FRMD5: variants seen among roughly 807,000 people sequenced by gnomAD.
The protein encoded by FRMD5 is FERM domain containing 5, also known as FERM domain-containing protein 5.
Under a neutral mutation model 69.0 loss-of-function variants are expected in FRMD5, and 20 were observed. The ratio of observed to expected loss-of-function variants is 0.29; its 90% confidence interval spans 0.20 to 0.42. The LOEUF (loss-of-function observed/expected upper bound fraction) is 0.42, where lower values mean the gene tolerates loss of function less well. FRMD5 is among the 10% of genes least tolerant of loss of function. FRMD5 has a pLI of 1.00. For synonymous variants in FRMD5, 271 were observed against 260.1 expected (o/e 1.04, Z -0.40); for missense variants, 595 against 708.6 (o/e 0.84, Z 1.82).
At chr15:43,989,185 C>A (rs375511167) in intron 1 of FRMD5, 3 of 859,246 alleles carry the variant, frequency 3.5e-6, no homozygotes, top group Non-Finnish European at 6.1e-6. Context: ...GGAGTACTTG[C>A]GCTTGGGAGG....
rs764839910 is a variant in FRMD5 at position 43,871,367 on chromosome 15, C to G, written c.*2518G>C. On this transcript the variant is annotated 3_prime_UTR_variant, in exon 14 of 14. Coordinates refer to ENST00000417257, the MANE Select transcript of FRMD5 (RefSeq NM_032892.5). ...AAGGAACATACTAGGATATGGAATA[C>G]TGCATCTGTCTCTAATGTGAATATG... 2.1e-4 allele frequency: 32 copies of G among 152,216 alleles called. No individual in the cohort carries two copies. The highest frequency in any genetic ancestry group is 3.2e-4 in the Non-Finnish European group (22 of 68,042). 9.4% of individuals were successfully genotyped at this position (152,216 alleles called of 1,614,324 possible). A position where few individuals can be genotyped will look rare whatever the true frequency, so the allele number is the denominator to read the frequency against.
chr15:44,175,548 A>G (rs576752269), intron 1 of FRMD5, among the ~76,000 whole-genome samples: 1 of 152,140 alleles, frequency 6.6e-6, no homozygotes, highest in Non-Finnish European at 1.5e-5. Flanking sequence ...TTTGGAAAAC[A>G]GTTTGGCAGT....
chr15:43,950,209 G>A lies in FRMD5; in HGVS notation c.103-25900C>T, dbSNP rs140117208. Among the ~76,000 whole-genome samples, 98 of 152,282 alleles carry A rather than the reference G, an allele frequency of 6.4e-4. 1 individual carries two copies. In the Middle Eastern group the frequency reaches 0.01, roughly 16 times the overall value. ...ACCCATTCAGATCTCTGCCCTAGAG[G>A]CCATGTGTATTAGATGTGCTTCTGT... On this transcript the variant is annotated intron_variant, in intron 1 of 13. Coordinates refer to ENST00000417257, the MANE Select transcript of FRMD5 (RefSeq NM_032892.5).
intron 1 of FRMD5, among the ~76,000 whole-genome samples, chr15:44,123,262 T>G (rs1456886486): frequency 2.5e-4 from 38 of 150,026 alleles, no homozygotes; most frequent in Admixed American, 2.5e-3. Flanking sequence ...GGAGAATCAC[T>G]TGAACCCGGG....
chr15:44,075,277 A>G (rs574637672), intron 1 of FRMD5, among the ~76,000 whole-genome samples: 1 of 152,310 alleles, frequency 6.6e-6, no homozygotes, highest in African/African-American at 2.4e-5. Context: ...ATGGGAAATG[A>G]GGTCTTAGCC....
chr15:43,874,338 T>C lies in FRMD5; in HGVS notation c.1260A>G (p.Ala420=). The C allele has an allele frequency of 1.9e-6, 3 of 1,614,212 alleles. No homozygotes were observed. Among genetic ancestry groups the C allele is most frequent in the Non-Finnish European group, 2.5e-6 (3 of 1,180,036 alleles). The stretch of plus-strand genomic sequence containing the variant: ...TGTCTGCAGGGCTGTAGGCCTCGTC[T>C]GCAATCACAGCTACTCGCTCATTGC... The part of the protein sequence containing the change: ...TDSNERVAVI[A]DEAYSPADSV... The change falls in exon 14 of 14, where the codon GCA becomes GCG. Residue 420 remains alanine (A), a synonymous_variant. Transcript: ENST00000417257.
intron 1 of FRMD5, among the ~76,000 whole-genome samples, chr15:44,027,299 C>CA (rs1159092017): frequency 6.6e-6 from 1 of 151,696 alleles, no homozygotes; most frequent in East Asian, 1.9e-4. Context: ...TTCTCCAGAG[C>CA]AAAAAACAAA....
chr15:44,077,710 T>C (rs1325103945), intron 1 of FRMD5, among the ~76,000 whole-genome samples: 1 of 152,066 alleles, frequency 6.6e-6, no homozygotes, highest in African/African-American at 2.4e-5. Context: ...ATGTATGAAG[T>C]AACTAAGCCA....
intron 1 of FRMD5, among the ~76,000 whole-genome samples, chr15:44,099,942 C>G (rs551461855): frequency 1.3e-5 from 2 of 152,034 alleles, no homozygotes; most frequent in Non-Finnish European, 2.9e-5. Context: ...CTGATTTAAC[C>G]CAGAGCATTT....
intron 1 of FRMD5, among the ~76,000 whole-genome samples, chr15:43,979,379 C>G (rs1249582229): frequency 6.6e-6 from 1 of 151,548 alleles, no homozygotes; most frequent in Non-Finnish European, 1.5e-5. Context: ...ACAGCATGTT[C>G]GTCCACCTCC....
upstream of FRMD5, among the ~76,000 whole-genome samples, chr15:44,196,933 T>A (rs1438529720): frequency 6.6e-6 from 1 of 152,126 alleles, no homozygotes; most frequent in African/African-American, 2.4e-5. Context: ...CTAGAACTAG[T>A]AAGTCAAGTG....
Sources: allele counts gnomAD v4.1 joint callset (sites outside exome capture counted in the v4.1 genomes callset), GRCh38; gene constraint gnomAD v4.1.1; transcripts MANE v1.5; gene names NCBI Gene and HGNC (gene_info 2026-07-23, HGNC 2026-07-21).